The following PIK3CB variants were observed in gnomAD, a reference collection of about 807,000 sequenced individuals.
The protein encoded by PIK3CB is phosphatidylinositol 4,5-bisphosphate 3-kinase catalytic subunit beta isoform.
In PIK3CB, 39 loss-of-function variants were observed where a neutral mutation model predicts 136.8. That is an observed-to-expected ratio of 0.29 (90% CI 0.22 to 0.37). PIK3CB has a LOEUF of 0.37. PIK3CB is among the 10% of genes least tolerant of loss of function. The pLI, the probability that PIK3CB is intolerant of heterozygous loss-of-function variation, is 1.00. For synonymous variants in PIK3CB, 428 were observed against 436.6 expected (o/e 0.98, Z 0.25); for missense variants, 868 against 1,275.4 (o/e 0.68, Z 4.87).
At chr3:138,672,509 A>T (rs2043554758) in intron 19 of PIK3CB, among the ~76,000 whole-genome samples, 1 of 152,266 alleles carries the variant, frequency 6.6e-6, no homozygotes, top group Non-Finnish European at 1.5e-5. Flanking sequence ...TTATCCATCA[A>T]TAATGAATTC....
At chr3:138,754,971 C>T (rs1422824973) in intron 4 of PIK3CB, among the ~76,000 whole-genome samples, 1 of 152,096 alleles carries the variant, frequency 6.6e-6, no homozygotes, top group South Asian at 2.1e-4. Flanking sequence ...AAACATTAGC[C>T]CCTGAGACTC....
rs74427245 is a variant in PIK3CB at position 138,714,105 on chromosome 3, A to G, written c.1302+363T>C. ...TACACAAAATTCTGAATTCTTAAAC[A>G]TATCTGTCACATGAAATTTCAGTTG... On this transcript the variant is annotated intron_variant, in intron 9 of 23. Transcript: ENST00000674063. Among the ~76,000 whole-genome samples the G allele has an allele frequency of 7.2e-4, 110 of 152,336 alleles. 4 individuals are homozygous for G. In the East Asian group the frequency reaches 0.019, roughly 27 times the overall value.
intron 21 of PIK3CB, among the ~76,000 whole-genome samples, chr3:138,663,023 T>C (rs361086): frequency 0.58 from 88,142 of 151,730 alleles, 26,422 homozygotes; most frequent in East Asian, 0.99. Context: ...TCTAAAACAC[T>C]AAAAGCAATG....
At chr3:138,741,090 A>T (rs1189099222) in intron 5 of PIK3CB, among the ~76,000 whole-genome samples, 1 of 152,252 alleles carries the variant, frequency 6.6e-6, no homozygotes, top group African/African-American at 2.4e-5. Flanking sequence ...CTTTAGACTC[A>T]ACGTATCTCA....
intron 19 of PIK3CB, among the ~76,000 whole-genome samples, chr3:138,672,749 T>G (rs1196065477): frequency 6.6e-6 from 1 of 151,622 alleles, no homozygotes; most frequent in Non-Finnish European, 1.5e-5. Flanking sequence ...CTGCCTCTAC[T>G]AAAAATACAA....
At chr3:138,804,361 C>T (rs2046208499) in intron 1 of PIK3CB, among the ~76,000 whole-genome samples, 2 of 151,910 alleles carry the variant, frequency 1.3e-5, no homozygotes, top group Admixed American at 1.3e-4. Context: ...GAAAAAATTA[C>T]AAATCAGCCA....
chr3:138,824,625 G>A (rs1287057687), intron 1 of PIK3CB, among the ~76,000 whole-genome samples: 6 of 151,832 alleles, frequency 4.0e-5, no homozygotes, highest in East Asian at 3.9e-4. Flanking sequence ...CCCGGGAGGC[G>A]GAGGTTGCAG....
chr3:138,761,071 G>A (rs563991894), intron 2 of PIK3CB, among the ~76,000 whole-genome samples: 2 of 152,232 alleles, frequency 1.3e-5, no homozygotes, highest in East Asian at 1.9e-4. Context: ...AAGGTGAAAG[G>A]AGAAGAAACT....
At chr3:138,670,868 C>G (rs954603600) in intron 19 of PIK3CB, among the ~76,000 whole-genome samples, 3 of 152,146 alleles carry the variant, frequency 2.0e-5, no homozygotes, top group African/African-American at 7.2e-5. Flanking sequence ...TTATTCTAAT[C>G]ACAGCTACAA....
At chr3:138,736,440 C>T (rs2045104894) in intron 6 of PIK3CB, among the ~76,000 whole-genome samples, 1 of 152,158 alleles carries the variant, frequency 6.6e-6, no homozygotes, top group African/African-American at 2.4e-5. Context: ...GTTTAAACAA[C>T]AACAACAATA....
At chr3:138,770,050 C>T (rs540795051) in intron 2 of PIK3CB, 1 of 152,114 alleles carries the variant, frequency 6.6e-6, no homozygotes, top group African/African-American at 2.4e-5. Context: ...CACAGGCCTA[C>T]CTTGCCTGGC....
chr3:138,733,396 T>C lies in PIK3CB; in HGVS notation c.1015A>G (p.Lys339Glu). The change falls in exon 8 of 24, where the codon AAG (lysine) becomes GAG (glutamate). Residue 339 changes from lysine (K) to glutamate (E), a missense_variant. By Grantham distance (56) the Lys-to-Glu change is moderately conservative. Transcript: ENST00000674063. The part of the protein sequence containing the change: ...NNNPFQIVLV[K>E]GNKLNTEETV... ...TCCTCTGTGTTAAGTTTATTTCCCT[T>C]AACCAAGACAATTTGGAAAGGGTTG... 1 of 1,573,126 alleles carries C rather than the reference T, an allele frequency of 6.4e-7. No individual in the cohort carries two copies. Among genetic ancestry groups the C allele is most frequent in the Non-Finnish European group, 8.7e-7 (1 of 1,145,438 alleles).
intron 8 of PIK3CB, among the ~76,000 whole-genome samples, chr3:138,730,471 T>C (rs1403589623): frequency 6.6e-6 from 1 of 152,110 alleles, no homozygotes; most frequent in Non-Finnish European, 1.5e-5. Flanking sequence ...AGAAGACAAA[T>C]ATGATAACCT....
At chr3:138,707,872 C>T (rs984393428) in intron 10 of PIK3CB, among the ~76,000 whole-genome samples, 6 of 152,254 alleles carry the variant, frequency 3.9e-5, no homozygotes, top group African/African-American at 1.4e-4. Flanking sequence ...TTTCCTTTTC[C>T]ACCACGCTAA....
intron 5 of PIK3CB, among the ~76,000 whole-genome samples, chr3:138,741,786 C>T (rs576073871): frequency 1.1e-4 from 17 of 151,686 alleles, no homozygotes; most frequent in African/African-American, 4.1e-4. Flanking sequence ...CAAGATTGCG[C>T]CATCGCACTC....
At chr3:138,666,035 A>G (rs1424971259) in intron 19 of PIK3CB, among the ~76,000 whole-genome samples, 2 of 152,090 alleles carry the variant, frequency 1.3e-5, no homozygotes, top group Non-Finnish European at 2.9e-5. Flanking sequence ...GAAAGGTAAG[A>G]ATTGATATTC....
chr3:138,683,568 C>T, intron 18 of PIK3CB, 110 bp downstream of exon 18: 1 of 664,064 alleles, frequency 1.5e-6, no homozygotes, highest in Admixed American at 2.4e-5. Flanking sequence ...AGCTACCTTC[C>T]TGGCTGCAAA....
chr3:138,714,930 A>G (rs2044577830), intron 8 of PIK3CB, among the ~76,000 whole-genome samples: 1 of 152,206 alleles, frequency 6.6e-6, no homozygotes, highest in Admixed American at 6.5e-5. Flanking sequence ...TCGTTCAGTA[A>G]ACCGTAGTTA....
intron 1 of PIK3CB, among the ~76,000 whole-genome samples, chr3:138,801,041 C>A (rs1488606398): frequency 6.6e-6 from 1 of 152,122 alleles, no homozygotes; most frequent in Non-Finnish European, 1.5e-5. Flanking sequence ...TGTCCTCTTT[C>A]TTCTTACTCA....
Sources: gnomAD v4.1 joint callset for allele counts (sites outside exome capture counted in the v4.1 genomes callset) on GRCh38, gnomAD v4.1.1 for gene constraint, MANE v1.5 for transcripts, NCBI Gene and HGNC (gene_info 2026-07-23, HGNC 2026-07-21) for gene names.